The following WDR88 variants were observed in gnomAD, a reference collection of about 807,000 sequenced individuals.
WDR88 encodes WD repeat domain 88.
In WDR88, 40 loss-of-function variants were observed where a neutral mutation model predicts 46.8. That is an observed-to-expected ratio of 0.86 (90% CI 0.66 to 1.11). The LOEUF (loss-of-function observed/expected upper bound fraction) is 1.11. WDR88 is among the 50% of genes most tolerant of loss of function. WDR88 has a pLI of 0.00. For synonymous variants in WDR88, 235 were observed against 240.7 expected, an observed-to-expected ratio of 0.98 and a Z score of 0.22; for missense variants, 562 against 602.4, an observed-to-expected ratio of 0.93 and a Z score of 0.70.
At chr19:33,171,189 T>C (rs1974033469) in intron 9 of WDR88, among the ~76,000 whole-genome samples, 1 of 152,312 alleles carries the variant, frequency 6.6e-6, no homozygotes, top group East Asian at 1.9e-4. Flanking sequence ...TTTCGCCATG[T>C]TGGCCAGGCT....
At position 33,174,118 on chromosome 19, in the gene WDR88, C is replaced by T. The variant is rs576703806; in HGVS notation, c.1243-1278C>T. On this transcript the variant is annotated intron_variant, in intron 10 of 10. Transcript: ENST00000355868. The stretch of plus-strand genomic sequence containing the variant: ...CCGCCCGCCTCAGCCTCCCAAAGTG[C>T]TGGGACTACAGGCGCAAGCTATCCG... 6 of 1,520,246 alleles carry T rather than the reference C, an allele frequency of 3.9e-6. No homozygotes were observed. The Admixed American group carries it at 9.8e-5, about 25-fold the overall frequency. The allele number at this position is 1,520,246 out of a possible 1,614,324, so 94.2% of individuals were successfully genotyped here.
intron 1 of WDR88, among the ~76,000 whole-genome samples, chr19:33,132,810 C>G (rs1326066518): frequency 1.3e-5 from 2 of 152,176 alleles, no homozygotes; most frequent in African/African-American, 4.8e-5. Context: ...CAGCTCTCCC[C>G]GTCCAGGAGA....
At chr19:33,137,416 C>A (rs1204908019) in intron 1 of WDR88, among the ~76,000 whole-genome samples, 1 of 151,966 alleles carries the variant, frequency 6.6e-6, no homozygotes, top group Non-Finnish European at 1.5e-5. Context: ...CCATGCCCAG[C>A]CAAGTTTTGT....
chr19:33,148,502 GC>G (rs1191409734), intron 4 of WDR88, among the ~76,000 whole-genome samples: 2 of 152,226 alleles, frequency 1.3e-5, no homozygotes, highest in East Asian at 1.9e-4. Context: ...ACACAGTGGC[GC>G]CATCGTAGCT....
chr19:33,132,298 C>T lies in WDR88; in HGVS notation c.129C>T (p.Gly43=). The T allele has an allele frequency of 6.2e-7, 1 of 1,613,816 alleles. No individual in the cohort carries two copies. Among genetic ancestry groups the T allele is most frequent in the Non-Finnish European group, 8.5e-7 (1 of 1,180,012 alleles). ...GGGGGACCATGGCGAGGGCCTTAGG[C>T]CGCTTCAAGCTGTCGATCCCGCACA... The part of the protein sequence containing the change: ...LSWGTMARAL[G]RFKLSIPHTH... The change falls in exon 1 of 11, where the codon GGC becomes GGT. Residue 43 remains glycine (G), a synonymous_variant. Coordinates refer to ENST00000355868, the MANE Select transcript of WDR88 (RefSeq NM_173479.4).
chr19:33,132,346 C>T lies in WDR88; in HGVS notation c.177C>T (p.Asp59=), dbSNP rs957991386. 3.1e-6 allele frequency: 5 copies of T among 1,614,002 alleles called. No individual in the cohort carries two copies. The African/African-American group carries it at 5.3e-5, about 17-fold the overall frequency. The change falls in exon 1 of 11, where the codon GAC becomes GAT. Residue 59 remains aspartate (D), a synonymous_variant. Transcript: ENST00000355868. Reference sequence around the variant, plus strand: ...ACACGCACCTGCTGGCCACCCTCGACCCCCTGGCCTTGGACAGGGAACCAC... The same window carrying T: ...ACACGCACCTGCTGGCCACCCTCGATCCCCTGGCCTTGGACAGGGAACCAC... ...IPHTHLLATL[D]PLALDREPPP...
intron 8 of WDR88, among the ~76,000 whole-genome samples, chr19:33,163,520 C>CA (rs1159896058): frequency 6.6e-6 from 1 of 151,790 alleles, no homozygotes; most frequent in Non-Finnish European, 1.5e-5. Flanking sequence ...AAACAAACCC[C>CA]AAAAAACAAC....
chr19:33,146,628 A>G (rs553791763), intron 3 of WDR88, among the ~76,000 whole-genome samples: 7 of 151,900 alleles, frequency 4.6e-5, no homozygotes, highest in Non-Finnish European at 7.4e-5. Flanking sequence ...AGAGATTTTC[A>G]TGCCTCAGCC....
chr19:33,144,801 G>A (rs1182391259), intron 2 of WDR88, 43 bp from the exon 3 acceptor site: 3 of 1,578,660 alleles, frequency 1.9e-6, no homozygotes, highest in Admixed American at 1.7e-5. Flanking sequence ...CAGCAAACAC[G>A]GCAGTGACCA....
chr19:33,150,132 TA>T (rs538219452), intron 5 of WDR88, among the ~76,000 whole-genome samples: 5 of 152,114 alleles, frequency 3.3e-5, no homozygotes, highest in East Asian at 1.9e-4. Flanking sequence ...AAATTAAAGT[TA>T]AAAAAATGTG....
chr19:33,156,235 G>A (rs536495492), intron 6 of WDR88, 120 bp from the exon 7 acceptor site: 2 of 992,594 alleles, frequency 2.0e-6, no homozygotes, highest in Non-Finnish European at 3.0e-6. Flanking sequence ...TTGGGGCGAA[G>A]TGCTAGCATG....
At position 33,160,432 on chromosome 19, in the gene WDR88, G is replaced by A. The variant is rs138717522; in HGVS notation, c.1016G>A (p.Gly339Glu). The change falls in exon 8 of 11, where the codon GGA becomes GAA. Residue 339 changes from glycine (G) to glutamate (E), a missense_variant. Transcript: ENST00000355868. ...FARDSSFLISGGFDRTVAIWD... is the reference protein window; with the variant it reads ...FARDSSFLISEGFDRTVAIWD... Reference sequence around the variant, plus strand: ...GTTGCAGGCTCTTTTCTCATTTCTGGAGGGTTTGATAGGACTGTGGCTATT... The same window carrying A: ...GTTGCAGGCTCTTTTCTCATTTCTGAAGGGTTTGATAGGACTGTGGCTATT... 1.7e-5 allele frequency: 27 copies of A among 1,614,188 alleles called. No individual in the cohort carries two copies. Among genetic ancestry groups the A allele is most frequent in the Non-Finnish European group, 2.2e-5 (26 of 1,180,040 alleles).
chr19:33,154,434 C>G (rs558921388), intron 6 of WDR88, among the ~76,000 whole-genome samples: 10 of 152,210 alleles, frequency 6.6e-5, no homozygotes, highest in African/African-American at 2.2e-4. Flanking sequence ...TCTATGTGTT[C>G]TCACTGTTCA....
Position 33,160,435 on chromosome 19 carries a change from G to A in WDR88, c.1019G>A (p.Gly340Glu). ...ARDSSFLISG[G>E]FDRTVAIWDV... The stretch of plus-strand genomic sequence containing the variant: ...GCAGGCTCTTTTCTCATTTCTGGAG[G>A]GTTTGATAGGACTGTGGCTATTTGG... The change falls in exon 8 of 11, where the codon GGG (glycine) becomes GAG (glutamate). Residue 340 changes from glycine to glutamate, a missense_variant. Transcript: ENST00000355868. The A allele has an allele frequency of 6.2e-7, 1 of 1,614,148 alleles. No homozygotes were observed.
chr19:33,174,903 T>C (rs1224914002), intron 10 of WDR88: 19 of 985,294 alleles, frequency 1.9e-5, no homozygotes, highest in Non-Finnish European at 2.3e-5. Context: ...CAGCCTGTGC[T>C]CATTCTCTCT....
intron 2 of WDR88, 56 bp from the exon 3 acceptor site, chr19:33,144,788 C>T: frequency 3.2e-6 from 5 of 1,539,366 alleles, no homozygotes; most frequent in South Asian, 1.2e-5. Flanking sequence ...CGATTTACGA[C>T]TTCAGCAAAC....
chr19:33,145,213 G>A (rs1316162521), intron 3 of WDR88, among the ~76,000 whole-genome samples: 1 of 152,042 alleles, frequency 6.6e-6, no homozygotes, highest in Non-Finnish European at 1.5e-5. Flanking sequence ...GGAGTGCAGT[G>A]GTGCAAACAT....
chr19:33,152,790 C>T (rs1401440063), intron 6 of WDR88, among the ~76,000 whole-genome samples: 3 of 151,918 alleles, frequency 2.0e-5, no homozygotes, highest in East Asian at 1.9e-4. Context: ...TTAGTAGAGA[C>T]GGGGTTTCAT....
chr19:33,174,845 G>C, intron 10 of WDR88: 1 of 985,408 alleles, frequency 1.0e-6, no homozygotes, highest in Non-Finnish European at 1.2e-6. Flanking sequence ...GACATGAGCT[G>C]GCAGGAGACA....
Sources: gnomAD v4.1 joint callset for allele counts (sites outside exome capture counted in the v4.1 genomes callset) on GRCh38, gnomAD v4.1.1 for gene constraint, MANE v1.5 for transcripts, NCBI Gene and HGNC (gene_info 2026-07-23, HGNC 2026-07-21) for gene names.